The following CSMD3 variants were observed in gnomAD, a reference collection of about 807,000 sequenced individuals.
The protein encoded by CSMD3 is CUB and sushi domain-containing protein 3.
CSMD3 carries 177 observed loss-of-function variants against 435.2 expected under a neutral mutation model. The observed-to-expected ratio is 0.41, with a 90% confidence interval of 0.36 to 0.46. The LOEUF (loss-of-function observed/expected upper bound fraction) is 0.46, where lower values mean the gene tolerates loss of function less well. Ranked by LOEUF, CSMD3 falls within the 20% of genes least tolerant of loss-of-function variation. The pLI is 0.34. For missense variants in CSMD3, 4,265 were observed against 4,504.6 expected (o/e 0.95, Z 1.52); for synonymous variants, 1,656 against 1,520.5 (o/e 1.09, Z -2.07).
chr8:112,739,866 G>T (rs987465779), intron 13 of CSMD3, among the ~76,000 whole-genome samples: 4 of 151,628 alleles, frequency 2.6e-5, no homozygotes, highest in Non-Finnish European at 5.9e-5. Flanking sequence ...TTTGTATTAT[G>T]TACTACATTT....
chr8:113,247,865 G>A (rs2093291775), intron 3 of CSMD3, among the ~76,000 whole-genome samples: 1 of 152,060 alleles, frequency 6.6e-6, no homozygotes, highest in Non-Finnish European at 1.5e-5. Flanking sequence ...GATCACTGAT[G>A]TAACTGACAT....
At chr8:113,000,686 T>C (rs1355069034) in intron 6 of CSMD3, among the ~76,000 whole-genome samples, 1 of 152,110 alleles carries the variant, frequency 6.6e-6, no homozygotes, top group East Asian at 1.9e-4. Context: ...GAGTTCTCAG[T>C]GCTTAATCTT....
At chr8:112,261,000 T>G (rs1242146131) in intron 61 of CSMD3, among the ~76,000 whole-genome samples, 1 of 152,138 alleles carries the variant, frequency 6.6e-6, no homozygotes, top group Non-Finnish European at 1.5e-5. Context: ...AAGGAGCTCC[T>G]TTGGATGTTA....
At chr8:113,432,231 T>C (rs192526756) in intron 1 of CSMD3, among the ~76,000 whole-genome samples, 6 of 152,246 alleles carry the variant, frequency 3.9e-5, no homozygotes, top group Admixed American at 3.9e-4. Flanking sequence ...TCCAGTGAAG[T>C]TCAGCTCCGA....
intron 5 of CSMD3, among the ~76,000 whole-genome samples, chr8:113,085,436 C>T (rs2089727649): frequency 6.6e-6 from 1 of 152,034 alleles, no homozygotes; most frequent in Non-Finnish European, 1.5e-5. Context: ...AATAGTTATA[C>T]AAAGGAAATT....
Position 112,406,613 on chromosome 8 carries a change from C to T in CSMD3, c.5720G>A (p.Gly1907Glu), listed in dbSNP as rs2130024917. Residue 1907 changes from glycine (G) to glutamate (E), a missense_variant, in exon 35 of 71, where the codon GGA (glycine) becomes GAA (glutamate). By Grantham distance (98) the Gly-to-Glu change is moderately conservative. Coordinates refer to ENST00000297405, the MANE Select transcript of CSMD3 (RefSeq NM_198123.2). ...GSSVLFDCNP[G>E]YILHGSIAIR... ...TGCTATGGATCCATGGAGAATATATCCTGGATTACAATCAAAAAGAACCGA... is the reference window on the plus strand; with the variant it reads ...TGCTATGGATCCATGGAGAATATATTCTGGATTACAATCAAAAAGAACCGA... 1 of 1,612,784 alleles carries T rather than the reference C, an allele frequency of 6.2e-7. No individual in the cohort carries two copies. The highest frequency in any genetic ancestry group is 8.5e-7 in the Non-Finnish European group (1 of 1,179,022).
chr8:113,410,052 A>T (rs1431022881), intron 1 of CSMD3, among the ~76,000 whole-genome samples: 1 of 152,082 alleles, frequency 6.6e-6, no homozygotes, highest in African/African-American at 2.4e-5. Flanking sequence ...CCTTATATTC[A>T]CTGTCATCAC....
intron 5 of CSMD3, among the ~76,000 whole-genome samples, chr8:113,069,655 A>G (rs2089017317): frequency 1.3e-5 from 2 of 152,120 alleles, no homozygotes; most frequent in South Asian, 4.1e-4. Flanking sequence ...GAAAGATTTC[A>G]TGAGTACTTC....
intron 27 of CSMD3, among the ~76,000 whole-genome samples, chr8:112,542,748 T>C (rs564561111): frequency 6.6e-6 from 1 of 152,074 alleles, no homozygotes; most frequent in African/African-American, 2.4e-5. Flanking sequence ...AAAAATAACT[T>C]GAATAGTCAA....
At chr8:113,297,055 G>C (rs1330749322) in intron 2 of CSMD3, among the ~76,000 whole-genome samples, 1 of 152,074 alleles carries the variant, frequency 6.6e-6, no homozygotes, top group Non-Finnish European at 1.5e-5. Context: ...TGTAAGAAAA[G>C]TATATCAATG....
rs746771187 is a variant in CSMD3, at chr8:112,689,899, G to A, written c.2124C>T (p.Asn708=). 1.3e-5 allele frequency: 21 copies of A among 1,613,088 alleles called. No homozygotes were observed. In the African/African-American group the frequency reaches 2.1e-4, roughly 16 times the overall value. The stretch of plus-strand genomic sequence containing the variant: ...AGATGGGTATGTTTGCAGACCATTG[G>A]TTATTCTCTTGACAAACAATGGATT... ...GEKSIVCQEN[N]QWSANIPICI... is the part of the protein sequence containing the mutation. The change falls in exon 14 of 71, where the codon AAC becomes AAT. Residue 708 remains asparagine (N), a synonymous_variant. Coordinates refer to ENST00000297405, the MANE Select transcript of CSMD3 (RefSeq NM_198123.2).
chr8:112,557,376 C>T lies in CSMD3; in HGVS notation c.4043-422G>A, dbSNP rs138685089. 3.6e-3 allele frequency among the ~76,000 whole-genome samples: 542 copies of T among 152,028 alleles called. 2 individuals are homozygous for T. Among genetic ancestry groups the T allele is most frequent in the African/African-American group, 0.013 (519 of 41,512 alleles). On this transcript the variant is annotated intron_variant, in intron 24 of 70. Transcript: ENST00000297405. ...AAGAGTGAGAGTACAGTTTTTGTTA[C>T]TTATCATAAGCCATCCATACCTAAG...
At chr8:112,375,504 C>T (rs1157880731) in intron 38 of CSMD3, among the ~76,000 whole-genome samples, 3 of 151,958 alleles carry the variant, frequency 2.0e-5, no homozygotes, top group Admixed American at 6.6e-5. Flanking sequence ...ACTTGCAATT[C>T]TCTGTTCTAA....
chr8:112,891,354 C>T (rs1204839460), intron 10 of CSMD3, among the ~76,000 whole-genome samples: 2 of 151,572 alleles, frequency 1.3e-5, no homozygotes, highest in African/African-American at 2.4e-5. Context: ...AACGAGCTGC[C>T]CAGCAATCAA....
intron 10 of CSMD3, among the ~76,000 whole-genome samples, chr8:112,859,779 T>C (rs1217243761): frequency 6.6e-6 from 1 of 151,750 alleles, no homozygotes; most frequent in African/African-American, 2.4e-5. Context: ...ATTTAAGTAA[T>C]TGTAATGAAT....
intron 1 of CSMD3, among the ~76,000 whole-genome samples, chr8:113,390,168 T>A (rs1047983955): frequency 6.6e-6 from 1 of 151,800 alleles, no homozygotes; most frequent in African/African-American, 2.4e-5. Flanking sequence ...TATAGTGAAC[T>A]TTTTTGAGAC....
At chr8:112,839,882 A>G (rs1189991733) in intron 11 of CSMD3, among the ~76,000 whole-genome samples, 1 of 151,776 alleles carries the variant, frequency 6.6e-6, no homozygotes, top group African/African-American at 2.4e-5. Context: ...ATGAGTTTTA[A>G]TTCCAGCCTC....
At chr8:112,485,318 G>A (rs753026429) in intron 31 of CSMD3, among the ~76,000 whole-genome samples, 2 of 152,100 alleles carry the variant, frequency 1.3e-5, no homozygotes, top group Non-Finnish European at 2.9e-5. Flanking sequence ...ATTCCTGTGT[G>A]CTGCTGATGA....
intron 4 of CSMD3, among the ~76,000 whole-genome samples, chr8:113,109,755 C>T (rs1178405201): frequency 6.6e-6 from 1 of 152,142 alleles, no homozygotes; most frequent in East Asian, 1.9e-4. Flanking sequence ...TGGGGTGGTC[C>T]TGCTCCCATG....
Sources: allele counts gnomAD v4.1 joint callset (sites outside exome capture counted in the v4.1 genomes callset), GRCh38; gene constraint gnomAD v4.1.1; transcripts MANE v1.5; gene names NCBI Gene and HGNC (gene_info 2026-07-23, HGNC 2026-07-21).